KCNQ5: variants seen among roughly 807,000 people sequenced by gnomAD.
KCNQ5 encodes the protein potassium voltage-gated channel subfamily KQT member 5.
Under a neutral mutation model 98.2 loss-of-function variants are expected in KCNQ5, and 30 were observed. The ratio of observed to expected loss-of-function variants is 0.31; its 90% CI spans 0.23 to 0.41. The LOEUF (loss-of-function observed/expected upper bound fraction) is 0.41. Ranked by LOEUF, KCNQ5 falls within the 10% of genes least tolerant of loss-of-function variation. KCNQ5 has a pLI of 1.00. For missense variants in KCNQ5, 835 were observed against 1,182.5 expected (o/e 0.71, Z 4.31); for synonymous variants, 458 against 449.4 (o/e 1.02, Z -0.24).
chr6:73,157,998 A>C (rs1777436853), intron 10 of KCNQ5: 10 of 742,428 alleles, frequency 1.3e-5, no homozygotes, highest in Non-Finnish European at 2.5e-5. Flanking sequence ...CCGGAAGATC[A>C]AGTAGGGTTC....
chr6:72,671,437 C>T (rs1177296743), intron 1 of KCNQ5, among the ~76,000 whole-genome samples: 2 of 152,142 alleles, frequency 1.3e-5, no homozygotes, highest in East Asian at 3.9e-4. Context: ...ATTGCAACTA[C>T]TGAGGTTTTC....
intron 5 of KCNQ5, among the ~76,000 whole-genome samples, chr6:73,098,248 G>A (rs1295874107): frequency 6.6e-6 from 1 of 151,660 alleles, no homozygotes; most frequent in Non-Finnish European, 1.5e-5. Flanking sequence ...AAAGATAAAA[G>A]AATAAAAAAG....
At chr6:72,873,551 T>A (rs1193185604) in intron 1 of KCNQ5, among the ~76,000 whole-genome samples, 1 of 152,134 alleles carries the variant, frequency 6.6e-6, no homozygotes, top group African/African-American at 2.4e-5. Flanking sequence ...ACATGATATT[T>A]CTGCTTCCAG....
At chr6:72,987,929 T>G (rs1768876680) in intron 1 of KCNQ5, among the ~76,000 whole-genome samples, 1 of 152,154 alleles carries the variant, frequency 6.6e-6, no homozygotes, top group African/African-American at 2.4e-5. Context: ...ATAAGTGGGT[T>G]ATTCAGTTGT....
At chr6:72,903,665 C>T (rs888494364) in intron 1 of KCNQ5, among the ~76,000 whole-genome samples, 1 of 152,072 alleles carries the variant, frequency 6.6e-6, no homozygotes, top group South Asian at 2.1e-4. Context: ...GAGTTGACTT[C>T]CAGTTTTATT....
At chr6:72,751,793 C>T (rs1206330914) in intron 1 of KCNQ5, among the ~76,000 whole-genome samples, 4 of 152,030 alleles carry the variant, frequency 2.6e-5, no homozygotes, top group East Asian at 3.9e-4. Context: ...AGGCGCATTA[C>T]CTACCTTTAT....
intron 3 of KCNQ5, among the ~76,000 whole-genome samples, chr6:73,059,453 A>G (rs1772680711): frequency 6.6e-6 from 1 of 152,188 alleles, no homozygotes; most frequent in Non-Finnish European, 1.5e-5. Context: ...AAAACTACCT[A>G]TCAGGTACTA....
At chr6:72,692,610 G>A (rs925635764) in intron 1 of KCNQ5, among the ~76,000 whole-genome samples, 2 of 152,216 alleles carry the variant, frequency 1.3e-5, no homozygotes, top group Non-Finnish European at 2.9e-5. Flanking sequence ...AGAACAAAAT[G>A]AAACTCTGTA....
intron 1 of KCNQ5, among the ~76,000 whole-genome samples, chr6:72,813,431 C>A (rs1178884071): frequency 1.3e-5 from 2 of 152,148 alleles, no homozygotes; most frequent in Non-Finnish European, 2.9e-5. Flanking sequence ...GTTTACAAAG[C>A]TTTCCATCAG....
At chr6:73,060,708 T>C (rs951636501) in intron 3 of KCNQ5, among the ~76,000 whole-genome samples, 2 of 152,024 alleles carry the variant, frequency 1.3e-5, no homozygotes, top group Non-Finnish European at 2.9e-5. Context: ...CCCAACAACC[T>C]AACAGAAAAT....
Position 73,194,834 on chromosome 6 carries a change from C to G in KCNQ5, c.2219C>G (p.Pro740Arg). The G allele has an allele frequency of 6.2e-7, 1 of 1,614,118 alleles. No individual in the cohort carries two copies. ...ATTGCAAACCAAATAAATACGGCAC[C>G]CAAGCCAGCAGCCCCAACAACTTTA... The part of the protein sequence containing the change: ...NTIANQINTA[P>R]KPAAPTTLQI... Residue 740 changes from proline (P) to arginine (R), a missense_variant, in exon 14 of 14, where the codon CCC (proline) becomes CGC (arginine). By Grantham distance (103) the Pro-to-Arg change is moderately radical. This residue lies in a region of KCNQ5 where 416 missense variants were observed against 446.9 expected (regional missense o/e 0.93). Coordinates refer to ENST00000370398, the MANE Select transcript of KCNQ5 (RefSeq NM_019842.4).
intron 1 of KCNQ5, among the ~76,000 whole-genome samples, chr6:72,784,756 G>A (rs1463619622): frequency 1.3e-5 from 2 of 152,110 alleles, no homozygotes; most frequent in Non-Finnish European, 2.9e-5. Context: ...GATCTTCTTC[G>A]AGGAATTCCT....
Position 72,656,898 on chromosome 6 carries a change from T to C in KCNQ5, c.398+34311T>C, listed in dbSNP as rs79154324. ...TGTACAACACCATTTAACAAATTAT[T>C]TTATTAATAACCCAAACCCTGTGAA... On this transcript the variant is annotated intron_variant, in intron 1 of 13. Transcript: ENST00000370398. Among the ~76,000 whole-genome samples, 28 of 152,232 alleles carry C rather than the reference T, an allele frequency of 1.8e-4. No individual in the cohort carries two copies. The East Asian group carries it at 3.3e-3, about 18-fold the overall frequency.
intron 1 of KCNQ5, among the ~76,000 whole-genome samples, chr6:72,906,744 T>A (rs1449994547): frequency 1.3e-5 from 2 of 152,140 alleles, no homozygotes; most frequent in Non-Finnish European, 2.9e-5. Context: ...ACACGGTATT[T>A]GGGGTGTCTT....
intron 2 of KCNQ5, among the ~76,000 whole-genome samples, chr6:73,020,861 T>A (rs1562130967): frequency 6.6e-6 from 1 of 152,136 alleles, no homozygotes; most frequent in African/African-American, 2.4e-5. Flanking sequence ...CACATCCTGA[T>A]CTTTCCTACA....
At chr6:72,768,697 A>G (rs1172727129) in intron 1 of KCNQ5, among the ~76,000 whole-genome samples, 1 of 152,064 alleles carries the variant, frequency 6.6e-6, no homozygotes, top group Non-Finnish European at 1.5e-5. Context: ...TTATCATATC[A>G]CAATCTACTT....
At chr6:72,902,756 A>G (rs555265751) in intron 1 of KCNQ5, among the ~76,000 whole-genome samples, 46 of 152,222 alleles carry the variant, frequency 3.0e-4, no homozygotes, top group African/African-American at 1.1e-3. Context: ...TATTTTGTTG[A>G]TGATCTTAGC....
At chr6:72,779,558 T>C (rs189161741) in intron 1 of KCNQ5, among the ~76,000 whole-genome samples, 1 of 151,932 alleles carries the variant, frequency 6.6e-6, no homozygotes, top group African/African-American at 2.4e-5. Context: ...GAGCAGTGAG[T>C]ATTTGGATGA....
chr6:73,133,898 G>T (rs553175681), intron 10 of KCNQ5: 15 of 611,178 alleles, frequency 2.5e-5, no homozygotes, highest in South Asian at 2.3e-4. Context: ...TTCTTCACTT[G>T]TATCTACAAA....
Sources: allele counts gnomAD v4.1 joint callset (sites outside exome capture counted in the v4.1 genomes callset), GRCh38; gene constraint gnomAD v4.1.1; regional missense constraint gnomAD v4.1.1; transcripts MANE v1.5; gene names NCBI Gene and HGNC (gene_info 2026-07-23, HGNC 2026-07-21).